Variants in GRAMD1C observed in about 807,000 individuals in gnomAD.
The protein encoded by GRAMD1C is GRAM domain containing 1C.
In GRAMD1C, 89 loss-of-function variants were observed where a neutral mutation model predicts 97.8. The ratio of observed to expected loss-of-function variants is 0.91; its 90% CI spans 0.77 to 1.09. GRAMD1C has a LOEUF of 1.09. Ranked by LOEUF, GRAMD1C falls within the 50% of genes least tolerant of loss-of-function variation. GRAMD1C has a pLI of 0.00. For missense variants in GRAMD1C, 740 were observed against 766.4 expected, an observed-to-expected ratio of 0.97 and a Z score of 0.41; for synonymous variants, 256 against 267.0, an observed-to-expected ratio of 0.96 and a Z score of 0.40.
At chr3:113,933,481 A>C (rs1443056058) in intron 11 of GRAMD1C, 30 bp from the exon 12 acceptor site, 2 of 1,547,130 alleles carry the variant, frequency 1.3e-6, no homozygotes, top group Non-Finnish European at 1.8e-6. Context: ...AAGCATATAC[A>C]TACAAACATT....
chr3:113,904,947 G>T (rs779140135), intron 8 of GRAMD1C, among the ~76,000 whole-genome samples: 19 of 152,084 alleles, frequency 1.2e-4, no homozygotes, highest in Non-Finnish European at 2.5e-4. Flanking sequence ...CAATTCTCCG[G>T]CCTCAGCCTC....
chr3:113,882,736 T>A lies in GRAMD1C; in HGVS notation c.460-16T>A. 2 of 1,441,724 alleles carry A rather than the reference T, an allele frequency of 1.4e-6. No homozygotes were observed. Among genetic ancestry groups the A allele is most frequent in the Non-Finnish European group, 9.8e-7 (1 of 1,023,034 alleles). 89.3% of individuals were successfully genotyped at this position (1,441,724 alleles called of 1,614,324 possible). On this transcript the variant is annotated splice_polypyrimidine_tract_variant and intron_variant, in intron 5 of 17. Coordinates refer to ENST00000358160, the MANE Select transcript of GRAMD1C (RefSeq NM_017577.5). ...TTTCCATGACACTAAAATTCTCCTA[T>A]TATTTTTCTTTGCAGTTTTTCTTCA...
rs1239120903 is a variant in GRAMD1C at position 113,868,234 on chromosome 3, TATA to T, written c.175-1268_175-1266del. Among the ~76,000 whole-genome samples, 5 of 152,312 alleles carry T rather than the reference TATA, an allele frequency of 3.3e-5. No homozygotes were observed. In the East Asian group the frequency reaches 9.6e-4, roughly 29 times the overall value. ...CATGGTTCTGTTTTTTGAACATATT[TATA>T]ATAACTGATTTGATATCTTTGTCTG... On this transcript the variant is annotated intron_variant, in intron 2 of 17. Coordinates refer to ENST00000358160, the MANE Select transcript of GRAMD1C (RefSeq NM_017577.5).
intron 8 of GRAMD1C, among the ~76,000 whole-genome samples, chr3:113,907,516 T>A (rs1219762845): frequency 1.3e-5 from 2 of 152,214 alleles, no homozygotes; most frequent in Non-Finnish European, 2.9e-5. Context: ...TAGCCCTTTT[T>A]TTTTCTGTTT....
At chr3:113,921,988 A>T (rs888104151) in intron 10 of GRAMD1C, among the ~76,000 whole-genome samples, 1 of 151,524 alleles carries the variant, frequency 6.6e-6, no homozygotes, top group African/African-American at 2.4e-5. Flanking sequence ...TGTCAATTTT[A>T]TTGTTATTGC....
chr3:113,943,555 T>C (rs1937909337), intron 17 of GRAMD1C, among the ~76,000 whole-genome samples: 1 of 152,208 alleles, frequency 6.6e-6, no homozygotes, highest in Non-Finnish European at 1.5e-5. Flanking sequence ...AATAATACAA[T>C]ACGTGGTCTT....
At chr3:113,895,785 A>G (rs1208286389) in intron 6 of GRAMD1C, among the ~76,000 whole-genome samples, 1 of 152,128 alleles carries the variant, frequency 6.6e-6, no homozygotes, top group South Asian at 2.1e-4. Context: ...CACCCAAGCC[A>G]GAAACCTAGA....
At chr3:113,928,108 A>C (rs115744232) in intron 10 of GRAMD1C, among the ~76,000 whole-genome samples, 2,534 of 152,134 alleles carry the variant, frequency 0.017, 73 homozygotes, top group African/African-American at 0.058. Flanking sequence ...CATATTGAGG[A>C]GCTTTTCCTG....
At chr3:113,853,923 G>C (rs906297012) in intron 2 of GRAMD1C, among the ~76,000 whole-genome samples, 10 of 152,172 alleles carry the variant, frequency 6.6e-5, no homozygotes, top group African/African-American at 2.4e-4. Context: ...GGAAGGGAAA[G>C]CGCAGGGTGT....
chr3:113,831,631 C>T (rs1330401411), intron 1 of GRAMD1C, among the ~76,000 whole-genome samples: 1 of 151,994 alleles, frequency 6.6e-6, no homozygotes, highest in African/African-American at 2.4e-5. Flanking sequence ...TTTCTTTCTG[C>T]TCCTCAGACT....
intron 6 of GRAMD1C, among the ~76,000 whole-genome samples, chr3:113,889,972 C>T (rs1935653721): frequency 6.6e-6 from 1 of 152,264 alleles, no homozygotes; most frequent in Non-Finnish European, 1.5e-5. Context: ...CAGGTGGGAA[C>T]TTAGCCTCCT....
intron 5 of GRAMD1C, among the ~76,000 whole-genome samples, chr3:113,878,171 GATTTCTT>G (rs1325788502): frequency 6.6e-6 from 1 of 152,134 alleles, no homozygotes; most frequent in East Asian, 1.9e-4. Flanking sequence ...ATGAACTGGT[GATTTCTT>G]ACCTTATTCA....
intron 13 of GRAMD1C, 52 bp downstream of exon 13, chr3:113,934,587 A>C (rs1937541466): frequency 1.3e-6 from 1 of 782,564 alleles, no homozygotes; most frequent in South Asian, 1.6e-5. Flanking sequence ...ATTTATTAAC[A>C]AAATGGATTG....
At position 113,945,517 on chromosome 3, in the gene GRAMD1C, TAAAG is replaced by T. The variant is rs766783303; in HGVS notation, c.*43_*46del. 17 of 1,044,862 alleles carry T rather than the reference TAAAG, an allele frequency of 1.6e-5. No individual in the cohort carries two copies. In the Admixed American group the frequency reaches 3.4e-4, roughly 21 times the overall value. The allele number at this position is 1,044,862 out of a possible 1,614,324, so 64.7% of individuals were successfully genotyped here. On this transcript the variant is annotated 3_prime_UTR_variant, in exon 18 of 18. Transcript: ENST00000358160. Reference sequence around the variant, plus strand: ...TAAAACCGCAGAGATACTTGGAACTTAAAGAAAATACCTGGAAGAAAACCAGACG... The same window carrying T: ...TAAAACCGCAGAGATACTTGGAACTTAAAATACCTGGAAGAAAACCAGACG...
At chr3:113,840,310 G>A (rs915265546) in intron 1 of GRAMD1C, among the ~76,000 whole-genome samples, 6 of 152,168 alleles carry the variant, frequency 3.9e-5, no homozygotes, top group African/African-American at 1.4e-4. Flanking sequence ...TCTCCAGGGA[G>A]AGCAAGGCAG....
rs1308784149 is a variant in GRAMD1C, at chr3:113,876,261, G to A, written c.459+1G>A. 6.6e-7 allele frequency: 1 copy of A among 1,510,248 alleles called. No individual in the cohort carries two copies. The highest frequency in any genetic ancestry group is 9.2e-7 in the Non-Finnish European group (1 of 1,088,310). 93.6% of individuals were successfully genotyped at this position (1,510,248 alleles called of 1,614,324 possible). A position where few individuals can be genotyped will look rare whatever the true frequency, so the allele number is the denominator to read the frequency against. ...CCAGATAGTTACAGAAAGTGAAAAG[G>A]TGAAAACTTTCCTATCTTTGTTATA... On this transcript the variant is annotated splice_donor_variant, in intron 5 of 17. Coordinates refer to ENST00000358160, the MANE Select transcript of GRAMD1C (RefSeq NM_017577.5). LOFTEE classifies it high-confidence loss of function.
In GRAMD1C at chr3:113,882,798, T is replaced by C; in HGVS notation, c.506T>C (p.Ile169Thr). 1 of 1,597,322 alleles carries C rather than the reference T, an allele frequency of 6.3e-7. No individual in the cohort carries two copies. The highest frequency in any genetic ancestry group is 1.1e-5 in the South Asian group (1 of 90,574). Residue 169 changes from isoleucine to threonine, a missense_variant, in exon 6 of 18, where the codon ATC becomes ACC. Physicochemically the swap from Ile to Thr is moderately conservative, Grantham distance 89. Coordinates refer to ENST00000358160, the MANE Select transcript of GRAMD1C (RefSeq NM_017577.5). ...FGARDRSYLS[I>T]FRLWQNVLLD... The stretch of plus-strand genomic sequence containing the variant: ...GCCAGGGATAGAAGTTACCTCAGTA[T>C]CTTTAGGTTGTGGCAGAATGTATTA...
At chr3:113,924,895 G>T (rs1937182929) in intron 10 of GRAMD1C, among the ~76,000 whole-genome samples, 1 of 152,116 alleles carries the variant, frequency 6.6e-6, no homozygotes, top group South Asian at 2.1e-4. Flanking sequence ...GTTATTGTGT[G>T]GTTATCTGAG....
intron 7 of GRAMD1C, among the ~76,000 whole-genome samples, chr3:113,902,709 C>T (rs554437588): frequency 2.2e-4 from 33 of 151,646 alleles, no homozygotes; most frequent in South Asian, 1.0e-3. Flanking sequence ...CACAGTGGTG[C>T]GATCTTGGCT....
Sources: gnomAD v4.1 joint callset for allele counts (sites outside exome capture counted in the v4.1 genomes callset) on GRCh38, gnomAD v4.1.1 for gene constraint, MANE v1.5 for transcripts, NCBI Gene and HGNC (gene_info 2026-07-23, HGNC 2026-07-21) for gene names.